PHRF1: variants seen among roughly 807,000 people sequenced by gnomAD.
PHRF1 encodes PHD and ring finger domains 1, also known as PHD and RING finger domain-containing protein 1.
A neutral mutation model predicts 128.9 loss-of-function variants in PHRF1; 53 were observed. The observed-to-expected ratio is 0.41, with a 90% CI of 0.33 to 0.52. The LOEUF is 0.52. PHRF1 is among the 20% of genes least tolerant of loss of function. The probability of loss-of-function intolerance (pLI) is 0.21; values close to 1 mark genes in which losing one functional copy is unlikely to be tolerated. For synonymous variants in PHRF1, 1,178 were observed against 980.6 expected (o/e 1.20, Z -3.76); for missense variants, 2,503 against 2,284.5 (o/e 1.10, Z -1.95).
intron 10 of PHRF1, among the ~76,000 whole-genome samples, chr11:603,211 G>A (rs561641064): frequency 4.6e-5 from 7 of 151,616 alleles, no homozygotes; most frequent in Non-Finnish European, 7.4e-5. Flanking sequence ...ATAGCCCACC[G>A]TGCCCGGCTA....
chr11:597,651 C>A lies in PHRF1; in HGVS notation c.894+81C>A. On this transcript the variant is annotated intron_variant, in intron 8 of 17. Transcript: ENST00000264555. The surrounding 1 kb of genome is among the most constrained non-coding windows in gnomAD (Gnocchi z 6.5). ...CGGCAGTCTGGGTGGGTGGGAGGGG[C>A]GTCGTCGGCACTGTGGGGTCCGCCC... The A allele has an allele frequency of 1.4e-6, 2 of 1,476,792 alleles. No homozygotes were observed. The highest frequency in any genetic ancestry group is 1.4e-5 in the African/African-American group (1 of 71,652). The allele number at this position is 1,476,792 out of a possible 1,614,324, so 91.5% of individuals were successfully genotyped here.
Position 582,114 on chromosome 11 carries a change from G to A in PHRF1, c.214+33G>A, listed in dbSNP as rs761264741. Reference sequence around the variant, plus strand: ...AGCTGGTGTTCACGCCGGCTCCTGTGTTTCCTCTTGTCGTGATGGGGACAG... The same window carrying A: ...AGCTGGTGTTCACGCCGGCTCCTGTATTTCCTCTTGTCGTGATGGGGACAG... On this transcript the variant is annotated intron_variant, in intron 3 of 17. Coordinates refer to ENST00000264555, the MANE Select transcript of PHRF1 (RefSeq NM_001286581.2). 3.8e-6 allele frequency: 6 copies of A among 1,559,260 alleles called. No individual in the cohort carries two copies. In the African/African-American group the frequency reaches 8.2e-5, roughly 21 times the overall value.
intron 3 of PHRF1, among the ~76,000 whole-genome samples, chr11:586,635 G>A (rs7949750): frequency 2.0e-5 from 3 of 152,156 alleles, no homozygotes; most frequent in African/African-American, 7.2e-5. Context: ...GCACGTATGG[G>A]CTCTGCCGTG....
At chr11:595,434 G>C (rs1855223587) in intron 6 of PHRF1, among the ~76,000 whole-genome samples, 1 of 152,244 alleles carries the variant, frequency 6.6e-6, no homozygotes, top group African/African-American at 2.4e-5. Context: ...AGGCAGTGCA[G>C]GGGCTCACTG....
At chr11:591,532 A>G (rs1854973023) in intron 5 of PHRF1, 65 bp downstream of exon 5, 4 of 1,341,184 alleles carry the variant, frequency 3.0e-6, no homozygotes, top group Non-Finnish European at 4.0e-6. Context: ...GGGACAGAGC[A>G]TGCTTTCCAA....
At chr11:578,289 GAT>G (rs1373829030) in intron 1 of PHRF1, among the ~76,000 whole-genome samples, 1 of 152,222 alleles carries the variant, frequency 6.6e-6, no homozygotes, top group Non-Finnish European at 1.5e-5. Flanking sequence ...ACTTTTGTGT[GAT>G]ATCGAGGAAG....
At chr11:579,049 A>T (rs566813062) in intron 1 of PHRF1, among the ~76,000 whole-genome samples, 1,592 of 152,256 alleles carry the variant, frequency 0.01, 12 homozygotes, top group Middle Eastern at 0.017. Flanking sequence ...TGTGTTGCCT[A>T]GGCTGGTCTT....
In PHRF1 at chr11:597,106, G is replaced by T; in HGVS notation, c.718+86G>T. 2 of 1,387,134 alleles carry T rather than the reference G, an allele frequency of 1.4e-6. No individual in the cohort carries two copies. Among genetic ancestry groups the T allele is most frequent in the Non-Finnish European group, 1.0e-6 (1 of 1,001,546 alleles). 85.9% of individuals were successfully genotyped at this position (1,387,134 alleles called of 1,614,324 possible). On this transcript the variant is annotated intron_variant, in intron 7 of 17. Transcript: ENST00000264555. This position sits in a 1 kb window ranked among gnomAD's most constrained non-coding sequence, Gnocchi z 6.5. Reference sequence around the variant, plus strand: ...CCCCGGGGTTAGGTTTGGCTGCTGTGTGGGGAGGACATCTAGGGCTGTCTC... The same window carrying T: ...CCCCGGGGTTAGGTTTGGCTGCTGTTTGGGGAGGACATCTAGGGCTGTCTC...
chr11:594,539 C>G (rs1189038560), intron 6 of PHRF1, among the ~76,000 whole-genome samples: 1 of 152,150 alleles, frequency 6.6e-6, no homozygotes, highest in Non-Finnish European at 1.5e-5. Flanking sequence ...CAGCGAGTCA[C>G]TGCAACCTCG....
At chr11:610,440 GCTC>G (rs1252215046) in intron 15 of PHRF1, 58 bp from the exon 16 acceptor site, 13 of 1,560,730 alleles carry the variant, frequency 8.3e-6, no homozygotes, top group Non-Finnish European at 1.0e-5. Context: ...AGGCCTCACA[GCTC>G]CTGGGCACAG....
intron 3 of PHRF1, among the ~76,000 whole-genome samples, chr11:586,735 C>T (rs1337662496): frequency 2.0e-5 from 3 of 152,152 alleles, no homozygotes; most frequent in Non-Finnish European, 4.4e-5. Flanking sequence ...GGTTAGTGGC[C>T]CAGTTAGGAG....
chr11:598,117 C>T (rs548827670), intron 8 of PHRF1, among the ~76,000 whole-genome samples: 19 of 152,334 alleles, frequency 1.2e-4, no homozygotes, highest in Non-Finnish European at 2.1e-4. Flanking sequence ...GCGCCACCCC[C>T]GCCACAGTGA....
chr11:591,017 C>T (rs1230395052), intron 4 of PHRF1, among the ~76,000 whole-genome samples: 1 of 152,146 alleles, frequency 6.6e-6, no homozygotes, highest in Non-Finnish European at 1.5e-5. Context: ...AAAAGAAATT[C>T]TAAAAATTTA....
intron 16 of PHRF1, 30 bp downstream of exon 16, chr11:610,791 T>C (rs139042730): frequency 1.5e-5 from 24 of 1,593,408 alleles, no homozygotes; most frequent in Admixed American, 1.7e-5. Flanking sequence ...ACTTTCCCCA[T>C]GTTCCCATCT....
At position 597,335 on chromosome 11, in the gene PHRF1, C is replaced by A. The variant is rs1399514469; in HGVS notation, c.719-60C>A. Reference sequence around the variant, plus strand: ...ACTTGGCCGGCAGCCACAGGGGGAGCCGTTGGGGGAGGCGTGTGGCCTGTG... The same window carrying A: ...ACTTGGCCGGCAGCCACAGGGGGAGACGTTGGGGGAGGCGTGTGGCCTGTG... On this transcript the variant is annotated intron_variant, in intron 7 of 17. Coordinates refer to ENST00000264555, the MANE Select transcript of PHRF1 (RefSeq NM_001286581.2). The surrounding 1 kb of genome is among the most constrained non-coding windows in gnomAD (Gnocchi z 6.5). 1.9e-6 allele frequency: 3 copies of A among 1,555,868 alleles called. No individual in the cohort carries two copies. Among genetic ancestry groups the A allele is most frequent in the Non-Finnish European group, 2.6e-6 (3 of 1,148,082 alleles).
intron 1 of PHRF1, among the ~76,000 whole-genome samples, chr11:580,055 C>G (rs554415535): frequency 2.6e-5 from 4 of 152,284 alleles, no homozygotes; most frequent in African/African-American, 7.2e-5. Context: ...CAGCTCTGGC[C>G]CCCTACTTCC....
chr11:610,720 C>G lies in PHRF1; in HGVS notation c.4636C>G (p.Pro1546Ala), dbSNP rs1433539010. The part of the protein sequence containing the change: ...TAASNSEEKT[P>A]APRLAAEKTK... ...AGCCAGCAACTCGGAGGAGAAGACCCCGGCCCCCAGGCTAGCTGCGGAGAA... is the reference window on the plus strand; with the variant it reads ...AGCCAGCAACTCGGAGGAGAAGACCGCGGCCCCCAGGCTAGCTGCGGAGAA... Residue 1546 changes from proline (P) to alanine (A), a missense_variant, in exon 16 of 18, where the codon CCG becomes GCG. Physicochemically the swap from Pro to Ala is conservative, Grantham distance 27. Coordinates refer to ENST00000264555, the MANE Select transcript of PHRF1 (RefSeq NM_001286581.2). The G allele has an allele frequency of 1.2e-6, 2 of 1,602,440 alleles. No individual in the cohort carries two copies. The highest frequency in any genetic ancestry group is 1.3e-5 in the African/African-American group (1 of 74,940).
At position 608,391 on chromosome 11, in the gene PHRF1, G is replaced by T; in HGVS notation, c.2935G>T (p.Ala979Ser). The change falls in exon 14 of 18, where the codon GCT (alanine) becomes TCT (serine). Residue 979 changes from alanine to serine, a missense_variant. Ala to Ser is a moderately conservative substitution (Grantham distance 99). Coordinates refer to ENST00000264555, the MANE Select transcript of PHRF1 (RefSeq NM_001286581.2). ...CCCACCCAGCCCGGACGTGCTGCAG[G>T]CTGCCACCCACAGAGTCGTGGAGCT... The part of the protein sequence containing the change: ...EAPPSPDVLQ[A>S]ATHRVVELRP... 1 of 1,611,644 alleles carries T rather than the reference G, an allele frequency of 6.2e-7. No individual in the cohort carries two copies. The highest frequency in any genetic ancestry group is 8.5e-7 in the Non-Finnish European group (1 of 1,179,532).
intron 6 of PHRF1, among the ~76,000 whole-genome samples, chr11:594,209 A>G (rs902536113): frequency 5.3e-5 from 8 of 152,198 alleles, no homozygotes; most frequent in Admixed American, 6.5e-5. Context: ...CACTCTGGGC[A>G]TGTGAAGGAA....
Sources: gnomAD v4.1 joint callset for allele counts (sites outside exome capture counted in the v4.1 genomes callset) on GRCh38, gnomAD v4.1.1 for gene constraint, Gnocchi (gnomAD v3.1) non-coding constraint, MANE v1.5 for transcripts, NCBI Gene and HGNC (gene_info 2026-07-23, HGNC 2026-07-21) for gene names.